The following GPC5 variants were observed in gnomAD, a reference collection of about 807,000 sequenced individuals.
GPC5 encodes glypican-5.
Under a neutral mutation model 53.9 loss-of-function variants are expected in GPC5, and 47 were observed. That is an observed-to-expected ratio of 0.87 (90% CI 0.69 to 1.11). The LOEUF (loss-of-function observed/expected upper bound fraction) is 1.11. Among genes scored for constraint, GPC5 ranks in the 50% most tolerant of loss-of-function variants. The pLI is 0.00. For missense variants in GPC5, 748 were observed against 713.1 expected, an observed-to-expected ratio of 1.05 and a Z score of -0.56; for synonymous variants, 286 against 263.3, an observed-to-expected ratio of 1.09 and a Z score of -0.84.
At chr13:91,482,244 CTCG>C (rs1244504832) in intron 2 of GPC5, among the ~76,000 whole-genome samples, 1 of 152,162 alleles carries the variant, frequency 6.6e-6, no homozygotes, top group Non-Finnish European at 1.5e-5. Flanking sequence ...CTCTCTCTCA[CTCG>C]TCTGTTTATG....
chr13:92,793,509 C>A (rs545363798), intron 7 of GPC5, among the ~76,000 whole-genome samples: 4 of 151,706 alleles, frequency 2.6e-5, no homozygotes, highest in Non-Finnish European at 5.9e-5. Flanking sequence ...TCAAAAGCTA[C>A]CAGAAGGCAA....
At position 92,321,532 on chromosome 13, in the gene GPC5, A is replaced by G. The variant is rs572597386; in HGVS notation, c.1561+176543A>G. Among the ~76,000 whole-genome samples the G allele has an allele frequency of 2.6e-5, 4 of 152,274 alleles. No homozygotes were observed. In the South Asian group the frequency reaches 8.3e-4, roughly 32 times the overall value. On this transcript the variant is annotated intron_variant, in intron 7 of 7. Transcript: ENST00000377067. ...GGCAGAAGAATCACTTGAACCAGGAATCAGAGGTTGCAGGGAGCTGAGATC... is the reference window on the plus strand; with the variant it reads ...GGCAGAAGAATCACTTGAACCAGGAGTCAGAGGTTGCAGGGAGCTGAGATC...
intron 7 of GPC5, among the ~76,000 whole-genome samples, chr13:92,302,174 G>C (rs2043080378): frequency 6.6e-6 from 1 of 152,076 alleles, no homozygotes; most frequent in Admixed American, 6.6e-5. Context: ...GATCTTGCAA[G>C]TGCAATGTTG....
chr13:91,915,911 A>T (rs769416499), intron 6 of GPC5, among the ~76,000 whole-genome samples: 15 of 152,216 alleles, frequency 9.9e-5, no homozygotes, highest in Non-Finnish European at 1.9e-4. Context: ...ATTACTAGAC[A>T]TAAGTGTTCA....
chr13:91,895,361 G>A (rs1351046684), intron 5 of GPC5, among the ~76,000 whole-genome samples: 1 of 152,172 alleles, frequency 6.6e-6, no homozygotes, highest in East Asian at 1.9e-4. Flanking sequence ...GGAATTAAAG[G>A]AAGACAATGG....
chr13:92,107,319 A>C (rs1424743614), intron 6 of GPC5, among the ~76,000 whole-genome samples: 1 of 151,922 alleles, frequency 6.6e-6, no homozygotes, highest in Non-Finnish European at 1.5e-5. Flanking sequence ...TTTTCATTCA[A>C]ATTGGCAGTA....
intron 5 of GPC5, among the ~76,000 whole-genome samples, chr13:91,874,291 A>G (rs1167114859): frequency 2.0e-5 from 3 of 152,094 alleles, no homozygotes; most frequent in Non-Finnish European, 4.4e-5. Flanking sequence ...TTTTCAAGGC[A>G]TATGCATGGC....
At chr13:91,812,713 C>T (rs182271127) in intron 5 of GPC5, among the ~76,000 whole-genome samples, 41 of 152,240 alleles carry the variant, frequency 2.7e-4, no homozygotes, top group African/African-American at 9.1e-4. Context: ...ACTCTCTCAG[C>T]GTTTTTATCC....
At chr13:92,734,133 T>A (rs12429124) in intron 7 of GPC5, among the ~76,000 whole-genome samples, 4,790 of 151,886 alleles carry the variant, frequency 0.032, 336 homozygotes, top group East Asian at 0.28. Flanking sequence ...CAAAAACACA[T>A]TGTGGCTTAG....
intron 7 of GPC5, among the ~76,000 whole-genome samples, chr13:92,844,836 C>T (rs1431647728): frequency 1.3e-5 from 2 of 152,048 alleles, no homozygotes; most frequent in African/African-American, 4.8e-5. Context: ...ATATTTATAC[C>T]AGTAAATGTG....
Position 91,560,273 on chromosome 13 carries a change from A to G in GPC5, c.325+111351A>G, listed in dbSNP as rs543966666. ...GGTTCTGTGAGATGACCTAGAAGAT[A>G]CTCTACTAAGGCATTGGGAAATACA... On this transcript the variant is annotated intron_variant, in intron 2 of 7. Transcript: ENST00000377067. 5.1e-4 allele frequency among the ~76,000 whole-genome samples: 77 copies of G among 152,158 alleles called. 1 individual carries two copies. The highest frequency in any genetic ancestry group is 1.6e-3 in the African/African-American group (65 of 41,534).
intron 5 of GPC5, among the ~76,000 whole-genome samples, chr13:91,815,546 A>G (rs897297596): frequency 6.6e-5 from 10 of 152,212 alleles, no homozygotes; most frequent in Non-Finnish European, 1.0e-4. Context: ...CTCCCCAGGC[A>G]CATAAATCAT....
intron 1 of GPC5, among the ~76,000 whole-genome samples, chr13:91,434,456 G>T (rs137893004): frequency 0.036 from 5,440 of 152,140 alleles, 145 homozygotes; most frequent in Middle Eastern, 0.068. Flanking sequence ...TATTAAATAG[G>T]GAATCGTTTC....
chr13:92,139,658 T>G (rs1276613151), intron 6 of GPC5, among the ~76,000 whole-genome samples: 1 of 96,012 alleles, frequency 1.0e-5, no homozygotes, highest in Non-Finnish European at 1.9e-5. Context: ...CAGAGTGAGA[T>G]TCCGTCTCAA....
intron 2 of GPC5, among the ~76,000 whole-genome samples, chr13:91,496,591 T>C (rs186610290): frequency 1.1e-4 from 16 of 152,198 alleles, no homozygotes; most frequent in Admixed American, 6.5e-4. Flanking sequence ...ATTGAACTTA[T>C]GGACATAGAG....
At chr13:91,925,726 A>C (rs1300599845) in intron 6 of GPC5, among the ~76,000 whole-genome samples, 1 of 152,180 alleles carries the variant, frequency 6.6e-6, no homozygotes, top group Non-Finnish European at 1.5e-5. Flanking sequence ...CTCGCTTGCA[A>C]AAACAAACGA....
intron 7 of GPC5, among the ~76,000 whole-genome samples, chr13:92,597,343 A>C (rs1883916255): frequency 6.6e-6 from 1 of 152,072 alleles, no homozygotes; most frequent in African/African-American, 2.4e-5. Flanking sequence ...ACCAGGGCAC[A>C]CACTTCCATG....
At chr13:91,416,353 TG>T (rs1381368584) in intron 1 of GPC5, among the ~76,000 whole-genome samples, 1 of 152,164 alleles carries the variant, frequency 6.6e-6, no homozygotes, top group Non-Finnish European at 1.5e-5. Flanking sequence ...CTCACTAGCT[TG>T]GGAGAAATGC....
chr13:92,850,964 G>C (rs12431303), intron 7 of GPC5, among the ~76,000 whole-genome samples: 1 of 152,134 alleles, frequency 6.6e-6, no homozygotes, highest in Non-Finnish European at 1.5e-5. Context: ...ATTGGCTCAT[G>C]GTTCTTTAGG....
Sources: gnomAD v4.1 joint callset for allele counts (sites outside exome capture counted in the v4.1 genomes callset) on GRCh38, gnomAD v4.1.1 for gene constraint, MANE v1.5 for transcripts, NCBI Gene and HGNC (gene_info 2026-07-23, HGNC 2026-07-21) for gene names.